C4orf36: variants seen among roughly 807,000 people sequenced by gnomAD.
C4orf36 encodes the protein chromosome 4 open reading frame 36.
C4orf36 carries 11 observed loss-of-function variants against 12.2 expected under a neutral mutation model. That is an observed-to-expected ratio of 0.90 (90% confidence interval 0.57 to 1.49). The LOEUF is 1.49. Among genes scored for constraint, C4orf36 ranks in the 40% most tolerant of loss-of-function variants. The pLI, the probability that C4orf36 is intolerant of heterozygous loss-of-function variation, is 0.00. For missense variants in C4orf36, 137 were observed against 133.9 expected (o/e 1.02, Z -0.11); for synonymous variants, 54 against 51.3 (o/e 1.05, Z -0.22).
the C4orf36 span, among the ~76,000 whole-genome samples, chr4:86,907,754 A>T: frequency 1.3e-5 from 2 of 152,062 alleles, no homozygotes; most frequent in African/African-American, 4.8e-5. Flanking sequence ...AGGCGGGTGG[A>T]TCACTTGAGG....
At chr4:86,891,343 C>A in intron 2 of C4orf36, 113 bp downstream of exon 2, 1 of 771,612 alleles carries the variant, frequency 1.3e-6, no homozygotes, top group Non-Finnish European at 2.0e-6. Flanking sequence ...AAATACTTCA[C>A]ATAGCCCAGT....
At chr4:86,893,605 C>T (rs1157119134), upstream of C4orf36, among the ~76,000 whole-genome samples, 1 of 151,044 alleles carries the variant, frequency 6.6e-6, no homozygotes. Context: ...AGATAAAACA[C>T]AGTAACCTTT....
the C4orf36 span, among the ~76,000 whole-genome samples, chr4:86,905,726 C>CTT: frequency 5.5e-5 from 6 of 109,718 alleles, no homozygotes; most frequent in Admixed American, 1.8e-4. Flanking sequence ...TTTTTTTTTT[C>CTT]TTTTTTTTTG....
At chr4:86,917,507 A>G in the C4orf36 span, among the ~76,000 whole-genome samples, 3 of 150,664 alleles carry the variant, frequency 2.0e-5, no homozygotes, top group Non-Finnish European at 3.0e-5. Context: ...AAAGAAAGAG[A>G]AAAAGAAGAA....
chr4:86,887,837 C>T lies in C4orf36; in HGVS notation c.277G>A (p.Glu93Lys). 1 of 1,614,182 alleles carries T rather than the reference C, an allele frequency of 6.2e-7. No homozygotes were observed. The highest frequency in any genetic ancestry group is 8.5e-7 in the Non-Finnish European group (1 of 1,180,022). The change falls in exon 4 of 5, where the codon GAA (glutamate) becomes AAA (lysine). Residue 93 changes from glutamate to lysine, a missense_variant. Glu to Lys is a moderately conservative substitution (Grantham distance 56). Transcript: ENST00000295898. ...AGCTGAATTTCCTTAGATGTATTTT[C>T]TTGACACTTCAGTTTACAAAGACGC... ...VKRLCKLKCQ[E>K]NTSKEIQLLL...
chr4:86,892,400 C>A lies in C4orf36; in HGVS notation c.-291G>T. 1.0e-6 allele frequency: 1 copy of A among 985,586 alleles called. No individual in the cohort carries two copies. Among genetic ancestry groups the A allele is most frequent in the Non-Finnish European group, 1.2e-6 (1 of 830,066 alleles). The allele number at this position is 985,586 out of a possible 1,614,324, so 61.1% of individuals were successfully genotyped here. On this transcript the variant is annotated 5_prime_UTR_variant, in exon 1 of 5. Transcript: ENST00000295898. The stretch of plus-strand genomic sequence containing the variant: ...GCGCCGCAGGCACACGCCTCCTTCC[C>A]GCTCGCCGCGGGCGCCGAGTCTGGG...
At chr4:86,900,160 C>G in the C4orf36 span, among the ~76,000 whole-genome samples, 1 of 149,896 alleles carries the variant, frequency 6.7e-6, no homozygotes, top group African/African-American at 2.4e-5. Flanking sequence ...CTCAGCCTCC[C>G]GTGTAGCTGG....
At chr4:86,931,319 C>T in the C4orf36 span, among the ~76,000 whole-genome samples, 1 of 152,206 alleles carries the variant, frequency 6.6e-6, no homozygotes, top group East Asian at 1.9e-4. Flanking sequence ...CCTCCTTTTT[C>T]ATCCCTCCTC....
intron 2 of C4orf36, chr4:86,890,213 GGA>G (rs1747347851): frequency 9.3e-4 from 282 of 304,524 alleles, no homozygotes; most frequent in East Asian, 3.7e-3. Flanking sequence ...GAGGGAGGAA[GGA>G]AGGAAGGAAG....
chr4:86,931,324 C>T, the C4orf36 span, among the ~76,000 whole-genome samples: 2 of 152,056 alleles, frequency 1.3e-5, no homozygotes, highest in African/African-American at 4.8e-5. Flanking sequence ...TTTTTCATCC[C>T]TCCTCAGTGC....
chr4:86,888,024 G>A (rs1300471835), intron 3 of C4orf36, 97 bp downstream of exon 3: 8 of 1,532,840 alleles, frequency 5.2e-6, no homozygotes, highest in East Asian at 4.5e-5. Context: ...ACAAAGATAG[G>A]AGGTATGGGT....
At chr4:86,917,144 G>A in the C4orf36 span, among the ~76,000 whole-genome samples, 1 of 152,246 alleles carries the variant, frequency 6.6e-6, no homozygotes, top group African/African-American at 2.4e-5. Flanking sequence ...GCTGGGCTTG[G>A]TGGCGTGTGC....
At chr4:86,933,784 A>T in the C4orf36 span, among the ~76,000 whole-genome samples, 2 of 152,356 alleles carry the variant, frequency 1.3e-5, no homozygotes, top group South Asian at 4.1e-4. Context: ...CTGCTCAGGG[A>T]TGACCAGAAC....
the C4orf36 span, chr4:86,913,465 T>C: frequency 1.3e-6 from 1 of 766,892 alleles, no homozygotes; most frequent in South Asian, 1.4e-5. Context: ...AAAGCATTCA[T>C]GACAGACATG....
the C4orf36 span, chr4:86,914,525 C>G: frequency 2.1e-6 from 1 of 480,278 alleles, no homozygotes; most frequent in Non-Finnish European, 3.7e-6. Flanking sequence ...CTCAGCCTCC[C>G]GGGTAGCTGG....
chr4:86,893,863 T>TA (rs1491127947), upstream of C4orf36, among the ~76,000 whole-genome samples: 112 of 136,538 alleles, frequency 8.2e-4, no homozygotes, highest in African/African-American at 2.9e-3. Flanking sequence ...TTGGCCTGAA[T>TA]TTTTATTTAT....
At chr4:86,906,781 T>C in the C4orf36 span, among the ~76,000 whole-genome samples, 3 of 145,606 alleles carry the variant, frequency 2.1e-5, no homozygotes, top group African/African-American at 7.6e-5. Context: ...GCCTCACACC[T>C]GTAATCCCAG....
At chr4:86,902,418 C>CAAAAAAAAAAAAA in the C4orf36 span, among the ~76,000 whole-genome samples, 10 of 58,948 alleles carry the variant, frequency 1.7e-4, no homozygotes, top group African/African-American at 2.4e-4. Context: ...ATGAGACTCT[C>CAAAAAAAAAAAAA]AAAAAAAAAA....
the C4orf36 span, chr4:86,934,612 T>G: frequency 1.3e-5 from 2 of 152,188 alleles, no homozygotes; most frequent in East Asian, 3.9e-4. Flanking sequence ...GCTCCCCAGA[T>G]GTTAGTTATT....
Sources: allele counts gnomAD v4.1 joint callset (sites outside exome capture counted in the v4.1 genomes callset), GRCh38; gene constraint gnomAD v4.1.1; transcripts MANE v1.5; gene names NCBI Gene and HGNC (gene_info 2026-07-23, HGNC 2026-07-21).